The following OTOA variants were observed in gnomAD, a reference collection of about 807,000 sequenced individuals.
OTOA encodes cancer/testis antigen 108.
OTOA carries 70 observed loss-of-function variants against 110.8 expected under a neutral mutation model. The observed-to-expected ratio is 0.63, with a 90% confidence interval of 0.52 to 0.77. The LOEUF (loss-of-function observed/expected upper bound fraction) is 0.77. OTOA is among the 30% of genes least tolerant of loss of function. OTOA has a pLI of 0.00. For synonymous variants in OTOA, 373 were observed against 431.5 expected, an observed-to-expected ratio of 0.86 and a Z score of 1.68; for missense variants, 917 against 1,075.8, an observed-to-expected ratio of 0.85 and a Z score of 2.06.
chr16:21,714,334 T>TTCCTTCCTTCC (rs1368353049), intron 13 of OTOA, among the ~76,000 whole-genome samples: 1 of 130,896 alleles, frequency 7.6e-6, no homozygotes, highest in Non-Finnish European at 1.7e-5. Flanking sequence ...CCTTCCTTCC[T>TTCCTTCCTTCC]TTCTTTCTTT....
intron 1 of OTOA, among the ~76,000 whole-genome samples, chr16:21,677,733 C>T (rs753803389): frequency 1.3e-5 from 2 of 152,204 alleles, no homozygotes; most frequent in East Asian, 1.9e-4. Flanking sequence ...CCGCCCACCT[C>T]AGCCTCCCAA....
At position 21,760,625 on chromosome 16, in the gene OTOA, T is replaced by C; in HGVS notation, c.*85T>C. On this transcript the variant is annotated 3_prime_UTR_variant, in exon 29 of 29. Coordinates refer to ENST00000646100, the MANE Select transcript of OTOA (RefSeq NM_144672.4). ...GGATGCTCCAGATGGTGGGACACCC[T>C]TCCCTGGATCCAGACCCTCATCTAG... is the stretch of plus-strand genomic sequence containing the variant. 1 of 1,238,736 alleles carries C rather than the reference T, an allele frequency of 8.1e-7. No individual in the cohort carries two copies. The highest frequency in any genetic ancestry group is 1.2e-6 in the Non-Finnish European group (1 of 864,462). The allele number at this position is 1,238,736 out of a possible 1,614,324, so 76.7% of individuals were successfully genotyped here.
chr16:21,752,297 GTGTGTGTT>G (rs1208084153), intron 25 of OTOA, 64 bp from the exon 26 acceptor site: 2 of 838,068 alleles, frequency 2.4e-6, no homozygotes, highest in Admixed American at 2.1e-5. Context: ...GTGTGTGTGT[GTGTGTGTT>G]TGTTTGTTTT....
intron 14 of OTOA, among the ~76,000 whole-genome samples, chr16:21,716,221 G>A (rs1898548453): frequency 6.6e-6 from 1 of 151,832 alleles, no homozygotes; most frequent in Non-Finnish European, 1.5e-5. Context: ...TTGTCAGGGA[G>A]TCTTTTGACA....
At position 21,691,495 on chromosome 16, in the gene OTOA, C is replaced by G. The variant is rs1897828124; in HGVS notation, c.636-89C>G. The G allele has an allele frequency of 4.7e-6, 5 of 1,071,118 alleles. 1 individual carries two copies. Among genetic ancestry groups the G allele is most frequent in the African/African-American group, 1.5e-5 (1 of 64,626 alleles). The allele number at this position is 1,071,118 out of a possible 1,614,324, so 66.4% of individuals were successfully genotyped here. A position where few individuals can be genotyped will look rare whatever the true frequency, so the allele number is the denominator to read the frequency against. ...AGGGAAGGGTTTTAACACAAGACAG[C>G]TTTGGGTCACATTTGCTGTTGTGAC... On this transcript the variant is annotated intron_variant, in intron 8 of 28. Transcript: ENST00000646100.
intron 17 of OTOA, chr16:21,721,243 A>T: frequency 2.3e-6 from 1 of 432,402 alleles, no homozygotes; most frequent in Non-Finnish European, 4.7e-6. Context: ...ACACACACAC[A>T]CACACACACA....
At chr16:21,687,836 T>C (rs1012775913) in intron 8 of OTOA, among the ~76,000 whole-genome samples, 188 bp downstream of exon 8, 3 of 152,046 alleles carry the variant, frequency 2.0e-5, no homozygotes, top group African/African-American at 7.2e-5. Flanking sequence ...GACTAATTTT[T>C]GTATTTTTGT....
At chr16:21,718,079 C>A (rs577446836) in intron 15 of OTOA, among the ~76,000 whole-genome samples, 11 of 152,174 alleles carry the variant, frequency 7.2e-5, no homozygotes, top group Non-Finnish European at 1.5e-4. Context: ...GGCTCCACCT[C>A]CTGAAGTAGC....
At chr16:21,668,478 G>A (rs1277563626) in intron 1 of OTOA, among the ~76,000 whole-genome samples, 1 of 111,664 alleles carries the variant, frequency 9.0e-6, no homozygotes, top group Non-Finnish European at 1.8e-5. Flanking sequence ...TTTTTTTTTG[G>A]AGACAGAGTT....
intron 8 of OTOA, 136 bp from the exon 9 acceptor site, chr16:21,691,448 T>G: frequency 1.4e-6 from 1 of 725,222 alleles, no homozygotes; most frequent in Non-Finnish European, 2.5e-6. Flanking sequence ...TAAAAGCGTT[T>G]CTATTTCTCC....
chr16:21,720,882 T>C (rs1392507423), intron 17 of OTOA, among the ~76,000 whole-genome samples: 1 of 134,328 alleles, frequency 7.4e-6, no homozygotes, highest in Admixed American at 7.5e-5. Context: ...CTCGTTTATA[T>C]TTTTACTAAA....
chr16:21,719,149 A>G lies in OTOA; in HGVS notation c.1646A>G (p.Glu549Gly), dbSNP rs1333356513. ...LGRSQALFLY[E>G]LLLKTTRRPE... Reference sequence around the variant, plus strand: ...TTCTCGCAGGCTCTGTTCCTGTATGAGCTTCTGTTAAAGACCACCAGAAGG... The same window carrying G: ...TTCTCGCAGGCTCTGTTCCTGTATGGGCTTCTGTTAAAGACCACCAGAAGG... Residue 549 changes from glutamate (E) to glycine (G), a missense_variant, in exon 16 of 29, where the codon GAG (glutamate) becomes GGG (glycine). Physicochemically the swap from Glu to Gly is moderately conservative, Grantham distance 98 (BLOSUM62 -2). Coordinates refer to ENST00000646100, the MANE Select transcript of OTOA (RefSeq NM_144672.4). The G allele has an allele frequency of 2.0e-5, 32 of 1,613,762 alleles. 1 individual carries two copies. The highest frequency in any genetic ancestry group is 2.7e-5 in the African/African-American group (2 of 74,874).
rs58214995 is a variant in OTOA at position 21,707,593 on chromosome 16, TTTTCTTTCTTTCTTTCTTTCTTTCTTTC to T, written c.1105-2257_1105-2230del. ...CCCTCCCTACCTTCCTTCTCCTTCC[TTTTCTTTCTTTCTTTCTTTCTTTCTTTC>T]TTTCTTTCTTTCTTTCTTTCTTTCT... On this transcript the variant is annotated intron_variant, in intron 12 of 28. Coordinates refer to ENST00000646100, the MANE Select transcript of OTOA (RefSeq NM_144672.4). 5.4e-4 allele frequency among the ~76,000 whole-genome samples: 51 copies of T among 94,112 alleles called. 1 individual carries two copies. Among genetic ancestry groups the T allele is most frequent in the African/African-American group, 8.4e-4 (20 of 23,724 alleles). The allele number at this position is 94,112 out of a possible 152,430, so 61.7% of individuals were successfully genotyped here. A position where few individuals can be genotyped will look rare whatever the true frequency, so the allele number is the denominator to read the frequency against.
Position 21,721,232 on chromosome 16 carries a change from TACACACACACACACACAC to T in OTOA, c.1807-1643_1807-1626del, listed in dbSNP as rs35961471. 2.1e-3 allele frequency: 794 copies of T among 372,482 alleles called. 1 individual carries two copies. The highest frequency in any genetic ancestry group is 6.1e-3 in the South Asian group (344 of 56,246). 23.1% of individuals were successfully genotyped at this position (372,482 alleles called of 1,614,324 possible). A position where few individuals can be genotyped will look rare whatever the true frequency, so the allele number is the denominator to read the frequency against. Reference sequence around the variant, plus strand: ...GCCCATTCTGAAAACACATAATTATTACACACACACACACACACACACACACACACACACACACACACA... The same window carrying T: ...GCCCATTCTGAAAACACATAATTATTACACACACACACACACACACACACA... On this transcript the variant is annotated intron_variant, in intron 17 of 28. Coordinates refer to ENST00000646100, the MANE Select transcript of OTOA (RefSeq NM_144672.4).
At chr16:21,672,444 G>A (rs372740296) in intron 1 of OTOA, among the ~76,000 whole-genome samples, 25 of 151,918 alleles carry the variant, frequency 1.6e-4, no homozygotes, top group East Asian at 9.7e-4. Context: ...CCAACATGGC[G>A]AAACCCCATC....
Position 21,728,251 on chromosome 16 carries a change from T to C in OTOA, c.2027T>C (p.Ile676Thr), listed in dbSNP as rs1898987966. 1.9e-6 allele frequency: 3 copies of C among 1,614,052 alleles called. No individual in the cohort carries two copies. Among genetic ancestry groups the C allele is most frequent in the East Asian group, 2.2e-5 (1 of 44,882 alleles). The part of the protein sequence containing the change: ...RKVQQCLDDS[I>T]ADEYTVDIMG... ...ACTTTTTGGGTTCAGGACGACTCCA[T>C]TGCTGATGAGTACACTGTGGACATC... Residue 676 changes from isoleucine to threonine, a missense_variant, in exon 20 of 29, where the codon ATT becomes ACT. Ile to Thr is a moderately conservative substitution (Grantham distance 89, BLOSUM62 -1). This residue lies in a region of OTOA where 840 missense variants were observed against 910.2 expected (regional missense o/e 0.92). Coordinates refer to ENST00000646100, the MANE Select transcript of OTOA (RefSeq NM_144672.4).
chr16:21,749,628 T>A (rs1441177809), intron 24 of OTOA, among the ~76,000 whole-genome samples: 1 of 139,802 alleles, frequency 7.2e-6, no homozygotes, highest in Admixed American at 7.2e-5. Context: ...TGTCTCCTCA[T>A]CTTTGCCTTG....
intron 13 of OTOA, among the ~76,000 whole-genome samples, chr16:21,714,300 T>TCTTCCTTCCTTCCTTC (rs753112398): frequency 0.039 from 3,897 of 99,704 alleles, 167 homozygotes; most frequent in African/African-American, 0.061. Flanking sequence ...TCTTTTCCTT[T>TCTTCCTTCCTTCCTTC]CTTCCTTCCT....
chr16:21,699,356 C>A (rs1227855292), intron 10 of OTOA, among the ~76,000 whole-genome samples: 2 of 152,178 alleles, frequency 1.3e-5, no homozygotes, highest in Non-Finnish European at 2.9e-5. Flanking sequence ...ATAGAATGTG[C>A]CGGCTGCCGT....
Sources: allele counts gnomAD v4.1 joint callset (sites outside exome capture counted in the v4.1 genomes callset), GRCh38; gene constraint gnomAD v4.1.1; regional missense constraint gnomAD v4.1.1; transcripts MANE v1.5; gene names NCBI Gene and HGNC (gene_info 2026-07-23, HGNC 2026-07-21).